GYG1: variants seen among roughly 807,000 people sequenced by gnomAD.
The protein encoded by GYG1 is glycogenin-1.
GYG1 carries 44 observed loss-of-function variants against 41.9 expected under a neutral mutation model. That is an observed-to-expected ratio of 1.05 (90% CI 0.83 to 1.35). The LOEUF (loss-of-function observed/expected upper bound fraction) is 1.35. Among genes scored for constraint, GYG1 ranks in the 40% most tolerant of loss-of-function variants. The pLI, the probability that GYG1 is intolerant of heterozygous loss-of-function variation, is 0.00. For missense variants in GYG1, 429 were observed against 418.9 expected (o/e 1.02, Z -0.21); for synonymous variants, 141 against 158.1 (o/e 0.89, Z 0.81).
At chr3:149,019,397 C>T (rs570602931) in intron 5 of GYG1, among the ~76,000 whole-genome samples, 1 of 152,224 alleles carries the variant, frequency 6.6e-6, no homozygotes, top group African/African-American at 2.4e-5. Context: ...TACTGCCCTC[C>T]ACAGTCCTGC....
In GYG1 at chr3:149,005,982, T is replaced by C. The variant is rs79510033; in HGVS notation, c.482-3294T>C. 8.4e-3 allele frequency among the ~76,000 whole-genome samples: 1,286 copies of C among 152,328 alleles called. 22 individuals carry two copies. The highest frequency in any genetic ancestry group is 0.029 in the African/African-American group (1,196 of 41,574). Reference sequence around the variant, plus strand: ...TGTATGTGTATATGTATATGCACTTTTGGTTTTTATGCAACTTTATCACAT... The same window carrying C: ...TGTATGTGTATATGTATATGCACTTCTGGTTTTTATGCAACTTTATCACAT... On this transcript the variant is annotated intron_variant, in intron 4 of 7. Coordinates refer to ENST00000345003, the MANE Select transcript of GYG1 (RefSeq NM_004130.4).
In GYG1 at chr3:148,994,262, T is replaced by C; in HGVS notation, c.128T>C (p.Val43Ala). 2 of 1,613,962 alleles carry C rather than the reference T, an allele frequency of 1.2e-6. No homozygotes were observed. The highest frequency in any genetic ancestry group is 1.7e-6 in the Non-Finnish European group (2 of 1,179,942). Reference sequence around the variant, plus strand: ...CTGGTCGTGCTCGCCACCCCTCAGGTCTCAGACTCCATGAGGTGAGGACCT... The same window carrying C: ...CTGGTCGTGCTCGCCACCCCTCAGGCCTCAGACTCCATGAGGTGAGGACCT... Reference protein sequence around the residue: ...RRLVVLATPQVSDSMRKVLET... With the variant: ...RRLVVLATPQASDSMRKVLET... The change falls in exon 2 of 8, where the codon GTC becomes GCC. Residue 43 changes from valine to alanine, a missense_variant. By Grantham distance (64) the Val-to-Ala change is moderately conservative (BLOSUM62 0). Coordinates refer to ENST00000345003, the MANE Select transcript of GYG1 (RefSeq NM_004130.4).
chr3:149,000,183 G>A (rs1271852787), intron 4 of GYG1, among the ~76,000 whole-genome samples: 4 of 152,132 alleles, frequency 2.6e-5, no homozygotes, highest in African/African-American at 9.7e-5. Context: ...GAGGTACCTG[G>A]ACTTCTCTTT....
chr3:149,023,944 A>AC, intron 5 of GYG1, 109 bp from the exon 6 acceptor site: 1 of 786,572 alleles, frequency 1.3e-6, no homozygotes, highest in Non-Finnish European at 2.2e-6. Flanking sequence ...ACAGAGTGAG[A>AC]CACTGTCTCT....
At chr3:148,992,095 G>A (rs890134302) in intron 1 of GYG1, among the ~76,000 whole-genome samples, 1 of 152,020 alleles carries the variant, frequency 6.6e-6, no homozygotes. Context: ...CGGGGATACT[G>A]CGGCCTCCGC....
rs1714872710 is a variant in GYG1, at chr3:149,030,068, A to G, written c.*3135A>G. 1 of 152,238 alleles carries G rather than the reference A, an allele frequency of 6.6e-6. No homozygotes were observed. Among genetic ancestry groups the G allele is most frequent in the Non-Finnish European group, 1.5e-5 (1 of 68,020 alleles). The allele number at this position is 152,238 out of a possible 1,614,324, so 9.4% of individuals were successfully genotyped here. ...GTAACACTTGCATAGAAATGTCACAATTAATGAAGGATTTTATTTGAAGAT... is the reference window on the plus strand; with the variant it reads ...GTAACACTTGCATAGAAATGTCACAGTTAATGAAGGATTTTATTTGAAGAT... On this transcript the variant is annotated 3_prime_UTR_variant, in exon 8 of 8. Coordinates refer to ENST00000345003, the MANE Select transcript of GYG1 (RefSeq NM_004130.4).
At chr3:148,993,014 G>A (rs3772583) in intron 1 of GYG1, among the ~76,000 whole-genome samples, 28,523 of 151,884 alleles carry the variant, frequency 0.19, 2,961 homozygotes, top group Admixed American at 0.23. Context: ...GGAAAGCCAG[G>A]TCAGAAAGAG....
rs200033024 is a variant in GYG1 at position 149,021,762 on chromosome 3, CT to C, written c.609-2278del. 4.0e-3 allele frequency among the ~76,000 whole-genome samples: 578 copies of C among 145,226 alleles called. 6 individuals are homozygous for C. The highest frequency in any genetic ancestry group is 0.011 in the African/African-American group (436 of 39,874). The stretch of plus-strand genomic sequence containing the variant: ...TGATAGCTTTTTAACCAGTTCCTAA[CT>C]TTTTTTTTTTTTAATAAACTTTAGG... On this transcript the variant is annotated intron_variant, in intron 5 of 7. Transcript: ENST00000345003.
intron 6 of GYG1, among the ~76,000 whole-genome samples, chr3:149,025,556 A>T (rs1714606414): frequency 6.6e-6 from 1 of 152,170 alleles, no homozygotes; most frequent in South Asian, 2.1e-4. Flanking sequence ...TTCTTATTTA[A>T]CCCTTAAAAC....
chr3:148,999,013 G>T (rs982702396), intron 4 of GYG1, among the ~76,000 whole-genome samples: 2 of 152,154 alleles, frequency 1.3e-5, no homozygotes, highest in African/African-American at 2.4e-5. Context: ...CATGTAAAGA[G>T]AATCCAATTT....
At position 149,027,448 on chromosome 3, in the gene GYG1, A is replaced by G. The variant is rs1310524116; in HGVS notation, c.*515A>G. 1 of 163,820 alleles carries G rather than the reference A, an allele frequency of 6.1e-6. No homozygotes were observed. Among genetic ancestry groups the G allele is most frequent in the Non-Finnish European group, 1.3e-5 (1 of 74,190 alleles). 10.1% of individuals were successfully genotyped at this position (163,820 alleles called of 1,614,324 possible). A position where few individuals can be genotyped will look rare whatever the true frequency, so the allele number is the denominator to read the frequency against. ...TGAGTGATTCATAAACATATCAACC[A>G]ATAGCATTAACCCATTTTATTTCCT... is the stretch of plus-strand genomic sequence containing the variant. On this transcript the variant is annotated 3_prime_UTR_variant, in exon 8 of 8. Coordinates refer to ENST00000345003, the MANE Select transcript of GYG1 (RefSeq NM_004130.4).
intron 3 of GYG1, 68 bp from the exon 4 acceptor site, chr3:148,996,674 G>A (rs1239366379): frequency 6.9e-7 from 1 of 1,455,898 alleles, no homozygotes; most frequent in Non-Finnish European, 9.6e-7. Context: ...GGATGACATA[G>A]GAAGAACTCA....
intron 4 of GYG1, among the ~76,000 whole-genome samples, chr3:149,004,202 G>C (rs1014835982): frequency 2.0e-5 from 3 of 152,170 alleles, no homozygotes; most frequent in African/African-American, 7.2e-5. Flanking sequence ...CTGGTGTACC[G>C]GATCACAGCT....
At chr3:149,026,614 CTTTTT>C in intron 7 of GYG1, 112 bp downstream of exon 7, 1 of 1,015,450 alleles carries the variant, frequency 9.8e-7, no homozygotes, top group Non-Finnish European at 1.6e-6. Context: ...ATTTTTGTGT[CTTTTT>C]TGTTTGTTTC....
chr3:148,997,674 GAAGGAGTTCT>G (rs1298874148), intron 4 of GYG1, among the ~76,000 whole-genome samples: 1 of 152,212 alleles, frequency 6.6e-6, no homozygotes, highest in Non-Finnish European at 1.5e-5. Flanking sequence ...TTAATATGCA[GAAGGAGTTCT>G]TTGAAAAATT....
intron 6 of GYG1, among the ~76,000 whole-genome samples, chr3:149,026,157 C>G (rs1559845234): frequency 6.6e-6 from 1 of 152,152 alleles, no homozygotes; most frequent in Non-Finnish European, 1.5e-5. Context: ...TTGTTCAAAA[C>G]TAAGCAAATT....
chr3:149,016,811 G>A (rs1051118258), intron 5 of GYG1, among the ~76,000 whole-genome samples: 2 of 152,214 alleles, frequency 1.3e-5, no homozygotes, highest in Admixed American at 1.3e-4. Flanking sequence ...AGAGAGGAGA[G>A]GTGTGCAGTT....
chr3:149,015,706 A>G (rs1713985184), intron 5 of GYG1, among the ~76,000 whole-genome samples: 1 of 151,888 alleles, frequency 6.6e-6, no homozygotes, highest in Admixed American at 6.6e-5. Context: ...GAAGGAGGAG[A>G]ATTGGAGGCA....
chr3:149,009,326 GAT>G lies in GYG1; in HGVS notation c.535_536del (p.Ile179GlnfsTer9). On this transcript the variant is annotated frameshift_variant, in exon 5 of 8. Transcript: ENST00000345003. LOFTEE classifies it high-confidence loss of function. ...NTFFSSWATT[D>X]IRKHLPFIYN... ...ATTTTTTAGCAGCTGGGCAACAACAGATATCAGAAAACACCTGCCGTTTATTT... is the reference window on the plus strand; with the variant it reads ...ATTTTTTAGCAGCTGGGCAACAACAGATCAGAAAACACCTGCCGTTTATTT... The G allele has an allele frequency of 6.2e-7, 1 of 1,613,264 alleles. No individual in the cohort carries two copies. The highest frequency in any genetic ancestry group is 8.5e-7 in the Non-Finnish European group (1 of 1,179,200).
Sources: allele counts gnomAD v4.1 joint callset (sites outside exome capture counted in the v4.1 genomes callset), GRCh38; gene constraint gnomAD v4.1.1; transcripts MANE v1.5; gene names NCBI Gene and HGNC (gene_info 2026-07-23, HGNC 2026-07-21).